The following LSS variants were observed in gnomAD, a reference collection of about 807,000 sequenced individuals.
The protein encoded by LSS is lanosterol synthase, also known as 2,3-epoxysqualene-lanosterol cyclase.
Under a neutral mutation model 110.3 loss-of-function variants are expected in LSS, and 90 were observed. The ratio of observed to expected loss-of-function variants is 0.82; its 90% CI spans 0.69 to 0.97. The LOEUF (loss-of-function observed/expected upper bound fraction) is 0.97, where lower values mean the gene tolerates loss of function less well. Among genes scored for constraint, LSS ranks in the 50% least tolerant of loss-of-function variants. The pLI is 0.00. For synonymous variants in LSS, 433 were observed against 400.0 expected (o/e 1.08, Z -0.98); for missense variants, 927 against 990.0 (o/e 0.94, Z 0.85).
At chr21:46,221,009 G>C (rs1320703730) in intron 5 of LSS, among the ~76,000 whole-genome samples, 1 of 150,540 alleles carries the variant, frequency 6.6e-6, no homozygotes, top group Admixed American at 6.6e-5. Context: ...GCCAGGCCGG[G>C]GCTTGGATAG....
chr21:46,198,490 C>A (rs539555021), intron 17 of LSS, among the ~76,000 whole-genome samples: 4 of 152,224 alleles, frequency 2.6e-5, no homozygotes, highest in Admixed American at 6.5e-5. Flanking sequence ...TAATCCCAAT[C>A]AAAGTCTCAG....
In LSS at chr21:46,222,189, G is replaced by A. The variant is rs532327774; in HGVS notation, c.429-214C>T. ...CTGAGCCCCCCACTCCTTCCTCACCGTGACCCGCCTGCTCTACACCTTCCC... is the reference window on the plus strand; with the variant it reads ...CTGAGCCCCCCACTCCTTCCTCACCATGACCCGCCTGCTCTACACCTTCCC... On this transcript the variant is annotated intron_variant, in intron 4 of 21. Transcript: ENST00000397728. The A allele has an allele frequency of 5.3e-5, 31 of 588,076 alleles. No individual in the cohort carries two copies. In the East Asian group the frequency reaches 6.3e-4, roughly 12 times the overall value. The allele number at this position is 588,076 out of a possible 1,614,324, so 36.4% of individuals were successfully genotyped here.
chr21:46,198,691 A>G (rs1654382266), intron 17 of LSS, among the ~76,000 whole-genome samples: 1 of 152,206 alleles, frequency 6.6e-6, no homozygotes, highest in African/African-American at 2.4e-5. Context: ...AAACAGATCA[A>G]TGCAATGGAA....
rs758840456 is a variant in LSS at position 46,191,215 on chromosome 21, G to A, written c.2088C>T (p.Phe696=). ...TGTAGGAGATGGCACAGGACTTGTT[G>A]AAGACCCCAGCAATGTTTTCCTAAA... is the stretch of plus-strand genomic sequence containing the variant. ...DWPQENIAGV[F]NKSCAISYTS... Residue 696 remains phenylalanine (F), a synonymous_variant, in exon 22 of 22, where the codon TTC becomes TTT. Transcript: ENST00000397728. The A allele has an allele frequency of 6.2e-7, 1 of 1,614,110 alleles. No homozygotes were observed. The highest frequency in any genetic ancestry group is 8.5e-7 in the Non-Finnish European group (1 of 1,180,030).
intron 18 of LSS, 88 bp from the exon 19 acceptor site, chr21:46,195,844 G>T: frequency 9.8e-7 from 1 of 1,020,028 alleles, no homozygotes; most frequent in Non-Finnish European, 1.5e-6. Context: ...AATCACACGT[G>T]CCCCAGCCAG....
rs138853141 is a variant in LSS at position 46,212,976 on chromosome 21, G to A, written c.1137+49C>T. The A allele has an allele frequency of 4.6e-3, 7,384 of 1,610,756 alleles. 30 individuals are homozygous for A. Among genetic ancestry groups the A allele is most frequent in the Non-Finnish European group, 5.6e-3 (6,622 of 1,177,132 alleles). On this transcript the variant is annotated intron_variant, in intron 11 of 21. Transcript: ENST00000397728. ...ACCCCAAAGGAAAAATAATAAAGGG[G>A]AGACATGATTGCAAAGGAAGCATGC...
Position 46,194,624 on chromosome 21 carries a change from G to A in LSS, c.1855C>T (p.Leu619=). The A allele has an allele frequency of 3.7e-6, 6 of 1,613,592 alleles. No homozygotes were observed. The highest frequency in any genetic ancestry group is 5.1e-6 in the Non-Finnish European group (6 of 1,180,008). ...CAEVSRACDF[L]LSRQMADGGW... ...CCGTCTGCCATCTGCCGGGACAGCA[G>A]GAAGTCACAGGCCCGGGAGACCTCT... Residue 619 remains leucine, a synonymous_variant, in exon 20 of 22, where the codon CTG becomes TTG. Coordinates refer to ENST00000397728, the MANE Select transcript of LSS (RefSeq NM_002340.6).
rs1188355877 is a variant in LSS at position 46,189,531 on chromosome 21, A to C, written c.*1573T>G. 5.2e-6 allele frequency: 2 copies of C among 387,842 alleles called. No individual in the cohort carries two copies. Among genetic ancestry groups the C allele is most frequent in the East Asian group, 7.2e-5 (1 of 13,810 alleles). 24.0% of individuals were successfully genotyped at this position (387,842 alleles called of 1,614,324 possible). ...AGTCCCAAGGAGAGTCAGTGACAGC[A>C]CATGGGGCAAGGGAGCTGGACAGAA... On this transcript the variant is annotated 3_prime_UTR_variant, in exon 22 of 22. Coordinates refer to ENST00000397728, the MANE Select transcript of LSS (RefSeq NM_002340.6).
In LSS at chr21:46,213,036, T is replaced by G; in HGVS notation, c.1126A>C (p.Met376Leu). 4 of 1,613,968 alleles carry G rather than the reference T, an allele frequency of 2.5e-6. No homozygotes were observed. Among genetic ancestry groups the G allele is most frequent in the Non-Finnish European group, 3.4e-6 (4 of 1,180,032 alleles). Residue 376 changes from methionine (M) to leucine (L), a missense_variant, in exon 11 of 22, where the codon ATG (methionine) becomes CTG (leucine). Met to Leu is a conservative substitution (Grantham distance 15, BLOSUM62 2). Transcript: ENST00000397728. Reference sequence around the variant, plus strand: ...CCCGCAGCCCTTACCTGCATTTTCATGCCGTCAAGGCCCATCCTGTGAGGA... The same window carrying G: ...CCCGCAGCCCTTACCTGCATTTTCAGGCCGTCAAGGCCCATCCTGTGAGGA... ...PDYLWMGLDGMKMQGTNGSQI... is the reference protein window; with the variant it reads ...PDYLWMGLDGLKMQGTNGSQI...
At chr21:46,221,778 T>C in intron 5 of LSS, 76 bp downstream of exon 5, 3 of 1,600,566 alleles carry the variant, frequency 1.9e-6, no homozygotes, top group Non-Finnish European at 2.6e-6. Flanking sequence ...AGTGCATCTT[T>C]CTGTATCGCG....
rs1477655703 is a variant in LSS at position 46,221,959 on chromosome 21, ACTTATCCTCAATGTGC to A, written c.429_444del (p.His144ProfsTer52). ...TTGAGCGCAGTCCCAAACACGGTGGACTTATCCTCAATGTGCCTACAGGAGCAGAGGACAGGTGAGA... is the reference window on the plus strand; with the variant it reads ...TTGAGCGCAGTCCCAAACACGGTGGACTACAGGAGCAGAGGACAGGTGAGA... On this transcript the variant is annotated frameshift_variant and splice_region_variant, in exon 5 of 22. Coordinates refer to ENST00000397728, the MANE Select transcript of LSS (RefSeq NM_002340.6). LOFTEE classifies it high-confidence loss of function. 6.2e-7 allele frequency: 1 copy of A among 1,614,052 alleles called. No individual in the cohort carries two copies.
chr21:46,194,655 G>C lies in LSS; in HGVS notation c.1824C>G (p.Ala608=). The change falls in exon 20 of 22, where the codon GCC becomes GCG. Residue 608 remains alanine, a synonymous_variant. Transcript: ENST00000397728. ...CMGQTYRDGT[A]CAEVSRACDF... is the part of the protein sequence containing the mutation. ...CACAGGCCCGGGAGACCTCTGCACA[G>C]GCAGTCCTGCAAAGACCAGAGACAG... is the stretch of plus-strand genomic sequence containing the variant. The C allele has an allele frequency of 6.2e-7, 1 of 1,612,170 alleles. No individual in the cohort carries two copies. Among genetic ancestry groups the C allele is most frequent in the Non-Finnish European group, 8.5e-7 (1 of 1,179,880 alleles).
At position 46,226,848 on chromosome 21, in the gene LSS, TTCTA is replaced by T. The variant is rs553925974; in HGVS notation, c.319+700_319+703del. On this transcript the variant is annotated intron_variant, in intron 3 of 21. Coordinates refer to ENST00000397728, the MANE Select transcript of LSS (RefSeq NM_002340.6). ...AAGGCAACAAAGGTATATAAGGACT[TTCTA>T]TCTATTACAAAGTCAGCGTAGTAAA... 3.0e-3 allele frequency among the ~76,000 whole-genome samples: 459 copies of T among 152,292 alleles called. 4 individuals are homozygous for T. The highest frequency in any genetic ancestry group is 0.01 in the African/African-American group (419 of 41,544).
At chr21:46,195,018 T>C (rs2079890161) in intron 19 of LSS, among the ~76,000 whole-genome samples, 1 of 152,180 alleles carries the variant, frequency 6.6e-6, no homozygotes, top group Non-Finnish European at 1.5e-5. Context: ...CGGCAGACTC[T>C]GGGAGACAGT....
intron 9 of LSS, 72 bp downstream of exon 9, chr21:46,215,108 C>G (rs535977847): frequency 7.7e-7 from 1 of 1,295,568 alleles, no homozygotes; most frequent in South Asian, 1.2e-5. Flanking sequence ...GCTCACAGCC[C>G]GGCCTCTAGG....
chr21:46,196,362 G>T, intron 17 of LSS, 95 bp from the exon 18 acceptor site: 1 of 1,018,574 alleles, frequency 9.8e-7, no homozygotes, highest in Non-Finnish European at 1.5e-6. Flanking sequence ...GAATGAGAAT[G>T]GTCTCCCTTA....
chr21:46,221,192 CAGCCCCGGGCTTGGAGAGGT>C (rs2080275547), intron 5 of LSS, among the ~76,000 whole-genome samples: 4 of 151,232 alleles, frequency 2.6e-5, no homozygotes, highest in African/African-American at 9.7e-5. Flanking sequence ...GAGAGGTGGA[CAGCCCCGGGCTTGGAGAGGT>C]AGACGATCAG....
intron 17 of LSS, among the ~76,000 whole-genome samples, chr21:46,201,654 C>CTTTTTGTAACTTTTCTATAAAA (rs2079979342): frequency 6.6e-6 from 1 of 152,088 alleles, no homozygotes; most frequent in Non-Finnish European, 1.5e-5. Context: ...GAGCACTTTT[C>CTTTTTGTAACTTTTCTATAAAA]AGTATTTTTG....
Position 46,205,904 on chromosome 21 carries a change from G to C in LSS, c.1602C>G (p.Thr534=). The change falls in exon 17 of 22, where the codon ACC becomes ACG. Residue 534 remains threonine (T), a synonymous_variant. Transcript: ENST00000397728. Reference sequence around the variant, plus strand: ...ACTTAAGCGCCTGCATCACGGCTGAGGTGCACTCCACATAGGTGTAGTCAA... The same window carrying C: ...ACTTAAGCGCCTGCATCACGGCTGACGTGCACTCCACATAGGTGTAGTCAA... The part of the protein sequence containing the change: ...IMIDYTYVEC[T]SAVMQALKYF... 1 of 1,611,476 alleles carries C rather than the reference G, an allele frequency of 6.2e-7. No homozygotes were observed. The highest frequency in any genetic ancestry group is 8.5e-7 in the Non-Finnish European group (1 of 1,178,956).
Sources: gnomAD v4.1 joint callset for allele counts (sites outside exome capture counted in the v4.1 genomes callset) on GRCh38, gnomAD v4.1.1 for gene constraint, MANE v1.5 for transcripts, NCBI Gene and HGNC (gene_info 2026-07-23, HGNC 2026-07-21) for gene names.